The following PALS2 variants were observed in gnomAD, a reference collection of about 807,000 sequenced individuals.
The protein encoded by PALS2 is protein PALS2.
PALS2 carries 27 observed loss-of-function variants against 61.6 expected under a neutral mutation model. That is an observed-to-expected ratio of 0.44 (90% CI 0.32 to 0.60). PALS2 has a LOEUF of 0.60. PALS2 is among the 20% of genes least tolerant of loss of function. The pLI, the probability that PALS2 is intolerant of heterozygous loss-of-function variation, is 0.05. For synonymous variants in PALS2, 236 were observed against 218.6 expected (o/e 1.08, Z -0.70); for missense variants, 554 against 639.4 (o/e 0.87, Z 1.44).
At chr7:24,607,470 CT>C (rs1783943502) in intron 1 of PALS2, among the ~76,000 whole-genome samples, 2 of 151,584 alleles carry the variant, frequency 1.3e-5, no homozygotes, top group African/African-American at 4.9e-5. Context: ...GTATCTCTCT[CT>C]CTCTCTCTCT....
chr7:24,600,928 T>C (rs887061946), intron 1 of PALS2, among the ~76,000 whole-genome samples: 9 of 151,178 alleles, frequency 6.0e-5, no homozygotes, highest in Non-Finnish European at 1.0e-4. Context: ...ATAGATATAC[T>C]TTTTTTTTAG....
chr7:24,677,137 A>G (rs1020620970), intron 9 of PALS2, among the ~76,000 whole-genome samples: 5 of 152,128 alleles, frequency 3.3e-5, no homozygotes, highest in South Asian at 2.1e-4. Flanking sequence ...CTTTGAAGCA[A>G]TTGTGAATGG....
chr7:24,602,203 T>C (rs1783744376), intron 1 of PALS2, among the ~76,000 whole-genome samples: 2 of 152,166 alleles, frequency 1.3e-5, no homozygotes, highest in Admixed American at 1.3e-4. Context: ...AGAGCTCTTT[T>C]GTTTCCTCTG....
intron 9 of PALS2, among the ~76,000 whole-genome samples, chr7:24,676,138 G>T (rs1787574455): frequency 6.6e-6 from 1 of 151,756 alleles, no homozygotes; most frequent in Admixed American, 6.6e-5. Context: ...TTCTCTGATG[G>T]CCAGTGATGG....
intron 5 of PALS2, among the ~76,000 whole-genome samples, chr7:24,659,997 G>T (rs1195405441): frequency 6.6e-6 from 1 of 152,098 alleles, no homozygotes; most frequent in Non-Finnish European, 1.5e-5. Context: ...CTGATTTGCA[G>T]CCTGGAAACC....
At position 24,611,305 on chromosome 7, in the gene PALS2, A is replaced by G. The variant is rs187308087; in HGVS notation, c.-2-12361A>G. ...TTAGTAGACTAAAGATGCCACTTCTATCTTTATGCCTTGTTATGCAATTCA... is the reference window on the plus strand; with the variant it reads ...TTAGTAGACTAAAGATGCCACTTCTGTCTTTATGCCTTGTTATGCAATTCA... On this transcript the variant is annotated intron_variant, in intron 1 of 11. Coordinates refer to ENST00000222644, the MANE Select transcript of PALS2 (RefSeq NM_001303037.2). Among the ~76,000 whole-genome samples the G allele has an allele frequency of 4.6e-5, 7 of 152,232 alleles. No homozygotes were observed. The South Asian group carries it at 1.0e-3, about 23-fold the overall frequency.
intron 9 of PALS2, among the ~76,000 whole-genome samples, chr7:24,677,889 G>A (rs1044599314): frequency 6.6e-6 from 1 of 152,144 alleles, no homozygotes; most frequent in East Asian, 1.9e-4. Flanking sequence ...GATCTCATTT[G>A]ACCCTTATTT....
At position 24,622,487 on chromosome 7, in the gene PALS2, A is replaced by C. The variant is rs149968785; in HGVS notation, c.-2-1179A>C. Among the ~76,000 whole-genome samples, 265 of 152,034 alleles carry C rather than the reference A, an allele frequency of 1.7e-3. 1 individual carries two copies. The highest frequency in any genetic ancestry group is 6.2e-3 in the African/African-American group (256 of 41,514). Reference sequence around the variant, plus strand: ...TGGATTGTTTGTCACCAGTGTATAGAAATACACTATGTGTAACAACATATT... The same window carrying C: ...TGGATTGTTTGTCACCAGTGTATAGCAATACACTATGTGTAACAACATATT... On this transcript the variant is annotated intron_variant, in intron 1 of 11. Transcript: ENST00000222644.
At chr7:24,638,013 C>T (rs1785324394) in intron 2 of PALS2, among the ~76,000 whole-genome samples, 1 of 151,916 alleles carries the variant, frequency 6.6e-6, no homozygotes, top group African/African-American at 2.4e-5. Context: ...CTCACTTGCT[C>T]CTCTGGTTAT....
rs1788563519 is a variant in PALS2 at position 24,693,365 on chromosome 7, G to A, written c.*5751G>A. The A allele has an allele frequency of 6.6e-6, 1 of 152,170 alleles. No homozygotes were observed. Among genetic ancestry groups the A allele is most frequent in the African/African-American group, 2.4e-5 (1 of 41,450 alleles). The allele number at this position is 152,170 out of a possible 1,614,324, so 9.4% of individuals were successfully genotyped here. On this transcript the variant is annotated 3_prime_UTR_variant, in exon 12 of 12. Coordinates refer to ENST00000222644, the MANE Select transcript of PALS2 (RefSeq NM_001303037.2). The stretch of plus-strand genomic sequence containing the variant: ...GAAATTTGGCTCTCCTCCTATCAAA[G>A]TAGCCTAGGAGCTTGGAGGAAGCCT...
chr7:24,615,950 A>G (rs113513563), intron 1 of PALS2, among the ~76,000 whole-genome samples: 5 of 152,310 alleles, frequency 3.3e-5, no homozygotes, highest in African/African-American at 1.2e-4. Context: ...AATAAAAACC[A>G]CATAATCATC....
At chr7:24,675,020 A>G (rs903936468) in intron 9 of PALS2, among the ~76,000 whole-genome samples, 3 of 152,196 alleles carry the variant, frequency 2.0e-5, no homozygotes, top group Non-Finnish European at 2.9e-5. Context: ...GTTGTAGTCA[A>G]ACCTTCATGT....
chr7:24,665,881 C>T (rs924926922), intron 7 of PALS2, 140 bp from the exon 8 acceptor site: 75 of 954,540 alleles, frequency 7.9e-5, no homozygotes, highest in Middle Eastern at 4.7e-4. Context: ...AATTCAGTGG[C>T]TTAACTCACC....
intron 9 of PALS2, among the ~76,000 whole-genome samples, chr7:24,670,000 C>T (rs183109276): frequency 1.3e-5 from 2 of 152,260 alleles, no homozygotes; most frequent in Admixed American, 1.3e-4. Flanking sequence ...CCCTTCTCTT[C>T]CCCTGCCTCA....
intron 9 of PALS2, among the ~76,000 whole-genome samples, chr7:24,670,336 CTT>C (rs965574566): frequency 6.8e-6 from 1 of 146,234 alleles, no homozygotes; most frequent in Middle Eastern, 3.5e-3. Flanking sequence ...AAGTCAGGTT[CTT>C]TTTTTTTTTC....
chr7:24,600,352 T>C (rs1306468139), intron 1 of PALS2, among the ~76,000 whole-genome samples: 8 of 152,192 alleles, frequency 5.3e-5, no homozygotes, highest in Admixed American at 5.2e-4. Flanking sequence ...GGTACATGAC[T>C]GTATCCAAAT....
intron 1 of PALS2, among the ~76,000 whole-genome samples, chr7:24,601,171 A>G (rs1435695458): frequency 1.3e-5 from 2 of 152,190 alleles, no homozygotes; most frequent in Non-Finnish European, 2.9e-5. Context: ...TTCACCACGT[A>G]TGCATATCAT....
rs573592476 is a variant in PALS2 at position 24,651,135 on chromosome 7, T to A, written c.651+423T>A. ...TGACTGATGAGGCCAGAAAAGAGGA[T>A]GGGTATAAAGAAAATCTTGGACCCC... On this transcript the variant is annotated intron_variant, in intron 5 of 11. Transcript: ENST00000222644. Among the ~76,000 whole-genome samples, 4 of 152,246 alleles carry A rather than the reference T, an allele frequency of 2.6e-5. No individual in the cohort carries two copies. The South Asian group carries it at 8.3e-4, about 32-fold the overall frequency.
intron 1 of PALS2, among the ~76,000 whole-genome samples, chr7:24,585,589 C>G (rs541590585): frequency 6.6e-6 from 1 of 151,828 alleles, no homozygotes; most frequent in East Asian, 1.9e-4. Flanking sequence ...TAATTTCATG[C>G]CAGTACTCAT....
Sources: gnomAD v4.1 joint callset for allele counts (sites outside exome capture counted in the v4.1 genomes callset) on GRCh38, gnomAD v4.1.1 for gene constraint, MANE v1.5 for transcripts, NCBI Gene and HGNC (gene_info 2026-07-23, HGNC 2026-07-21) for gene names.